Variants in SRP72 observed in about 807,000 individuals in gnomAD.
SRP72 encodes signal recognition particle 72.
In SRP72, 49 loss-of-function variants were observed where a neutral mutation model predicts 96.3. The observed-to-expected ratio is 0.51, with a 90% CI of 0.40 to 0.65. SRP72 has a LOEUF of 0.65. SRP72 is among the 30% of genes least tolerant of loss of function. SRP72 has a pLI of 0.00. For synonymous variants in SRP72, 267 were observed against 275.2 expected, an observed-to-expected ratio of 0.97 and a Z score of 0.30; for missense variants, 736 against 793.3, an observed-to-expected ratio of 0.93 and a Z score of 0.87.
In SRP72 at chr4:56,476,669, A is replaced by C. The variant is rs759047201; in HGVS notation, c.611-2A>C. 1.2e-6 allele frequency: 2 copies of C among 1,612,398 alleles called. No homozygotes were observed. Reference sequence around the variant, plus strand: ...ACTTTTAAAACAATTTTTCTCCTGTAGATCTTTGCCGCCGTTCATTATCAG... The same window carrying C: ...ACTTTTAAAACAATTTTTCTCCTGTCGATCTTTGCCGCCGTTCATTATCAG... On this transcript the variant is annotated splice_acceptor_variant, in intron 5 of 18. Transcript: ENST00000642900. LOFTEE classifies it high-confidence loss of function.
intron 9 of SRP72, among the ~76,000 whole-genome samples, chr4:56,483,723 C>G (rs1040669521): frequency 5.3e-5 from 8 of 151,124 alleles, no homozygotes; most frequent in Non-Finnish European, 1.2e-4. Context: ...ATTTATTAAA[C>G]AAGTAATTTG....
chr4:56,479,194 T>C (rs1207988131), intron 8 of SRP72, among the ~76,000 whole-genome samples: 1 of 152,144 alleles, frequency 6.6e-6, no homozygotes, highest in East Asian at 1.9e-4. Context: ...GTTTTGTTTT[T>C]TTTGAGACCG....
chr4:56,502,000 G>A lies in SRP72; in HGVS notation c.*139G>A, dbSNP rs28438730. The A allele has an allele frequency of 5.1e-3, 4,754 of 926,954 alleles. 155 individuals are homozygous for A. In the African/African-American group the frequency reaches 0.071, roughly 14 times the overall value. The allele number at this position is 926,954 out of a possible 1,614,324, so 57.4% of individuals were successfully genotyped here. Reference sequence around the variant, plus strand: ...CATAATTTCTTGTGTTTCAAATAGGGAAACATCTTCCTCAAAGTCTGCCTA... The same window carrying A: ...CATAATTTCTTGTGTTTCAAATAGGAAAACATCTTCCTCAAAGTCTGCCTA... On this transcript the variant is annotated 3_prime_UTR_variant, in exon 19 of 19. Transcript: ENST00000642900.
intron 6 of SRP72, 24 bp from the exon 7 acceptor site, chr4:56,478,355 G>T: frequency 6.5e-7 from 1 of 1,545,318 alleles, no homozygotes; most frequent in South Asian, 1.2e-5. Context: ...AAATTTATAT[G>T]GGAAAAACAT....
At chr4:56,501,601 A>G (rs572862215) in intron 18 of SRP72, 83 bp from the exon 19 acceptor site, 4 of 1,208,392 alleles carry the variant, frequency 3.3e-6, no homozygotes, top group East Asian at 5.0e-5. Flanking sequence ...GTTAAGTGTG[A>G]TAAGTAAAAC....
At chr4:56,478,754 G>T in intron 8 of SRP72, 105 bp downstream of exon 8, 3 of 1,171,480 alleles carry the variant, frequency 2.6e-6, no homozygotes, top group Non-Finnish European at 2.4e-6. Flanking sequence ...TTAACATGAT[G>T]AAAAAAGTCC....
intron 17 of SRP72, among the ~76,000 whole-genome samples, chr4:56,498,520 C>A (rs911481700): frequency 3.3e-5 from 5 of 152,156 alleles, no homozygotes; most frequent in Non-Finnish European, 5.9e-5. Context: ...ATTTAGAAAA[C>A]CCCATCGTCT....
At chr4:56,492,185 A>G (rs562410456) in intron 16 of SRP72, among the ~76,000 whole-genome samples, 34 of 152,166 alleles carry the variant, frequency 2.2e-4, no homozygotes, top group Non-Finnish European at 3.8e-4. Context: ...TTATTTAATG[A>G]GTTTTAGAGA....
At chr4:56,480,281 C>G (rs1244567727) in intron 8 of SRP72, among the ~76,000 whole-genome samples, 3 of 151,828 alleles carry the variant, frequency 2.0e-5, no homozygotes, top group African/African-American at 7.3e-5. Context: ...TTTTTTCCCC[C>G]AAGATGGAGT....
chr4:56,500,507 T>G, intron 17 of SRP72, 29 bp from the exon 18 acceptor site: 1 of 1,602,932 alleles, frequency 6.2e-7, no homozygotes, highest in Non-Finnish European at 8.5e-7. Flanking sequence ...TTATGACACA[T>G]CTCTCATTTC....
intron 1 of SRP72, among the ~76,000 whole-genome samples, chr4:56,469,282 G>T (rs1319365800): frequency 1.3e-5 from 2 of 152,170 alleles, no homozygotes. Flanking sequence ...AATTCTACCT[G>T]AACTTTTTCC....
At chr4:56,472,209 T>C (rs1445598647) in intron 3 of SRP72, among the ~76,000 whole-genome samples, 1 of 152,190 alleles carries the variant, frequency 6.6e-6, no homozygotes, top group African/African-American at 2.4e-5. Context: ...AGAATTTAGA[T>C]GATTCTAGCC....
chr4:56,477,724 G>A (rs1208121425), intron 6 of SRP72, among the ~76,000 whole-genome samples: 1 of 152,150 alleles, frequency 6.6e-6, no homozygotes, highest in Non-Finnish European at 1.5e-5. Context: ...GGAGTGTTGG[G>A]TCATTAAAGG....
At chr4:56,492,025 G>GC (rs1720925851) in intron 16 of SRP72, among the ~76,000 whole-genome samples, 1 of 152,136 alleles carries the variant, frequency 6.6e-6, no homozygotes. Context: ...ATTTAGTAGA[G>GC]ACAGGGTTTC....
At chr4:56,487,166 C>T (rs1478983853) in intron 11 of SRP72, among the ~76,000 whole-genome samples, 1 of 152,010 alleles carries the variant, frequency 6.6e-6, no homozygotes, top group African/African-American at 2.4e-5. Context: ...ATGGTGGTGA[C>T]AATTCTTCAC....
At chr4:56,476,501 C>T in intron 5 of SRP72, 170 bp from the exon 6 acceptor site, 1 of 639,974 alleles carries the variant, frequency 1.6e-6, no homozygotes, top group East Asian at 3.0e-5. Flanking sequence ...AGTCAAGAGA[C>T]TGATAATATA....
chr4:56,487,928 G>C (rs1720777005), intron 11 of SRP72, 21 bp from the exon 12 acceptor site: 1 of 1,560,020 alleles, frequency 6.4e-7, no homozygotes. Flanking sequence ...ATGTAATGCT[G>C]ATTTTGTTTA....
intron 1 of SRP72, 121 bp from the exon 2 acceptor site, chr4:56,469,532 A>G (rs1719879292): frequency 1.1e-6 from 1 of 919,240 alleles, no homozygotes; most frequent in Non-Finnish European, 1.6e-6. Flanking sequence ...TGTTCTGACC[A>G]ATTATTTCTG....
In SRP72 at chr4:56,491,501, G is replaced by T; in HGVS notation, c.1573G>T (p.Ala525Ser). Residue 525 changes from alanine to serine, a missense_variant, in exon 16 of 19, where the codon GCT becomes TCT. This residue lies in a region of SRP72 where 388 missense variants were observed against 431.8 expected (regional missense o/e 0.90). Coordinates refer to ENST00000642900, the MANE Select transcript of SRP72 (RefSeq NM_006947.4). The part of the protein sequence containing the change: ...KVDVEALENS[A>S]GATYIRKKGG... The stretch of plus-strand genomic sequence containing the variant: ...AGATGTTGAGGCTCTTGAAAATTCT[G>T]CTGGTGCTACATACATTCGGAAGAA... 6.2e-7 allele frequency: 1 copy of T among 1,613,968 alleles called. No individual in the cohort carries two copies. The highest frequency in any genetic ancestry group is 8.5e-7 in the Non-Finnish European group (1 of 1,179,908).
Sources: gnomAD v4.1 joint callset for allele counts (sites outside exome capture counted in the v4.1 genomes callset) on GRCh38, gnomAD v4.1.1 for gene constraint, gnomAD v4.1.1 regional missense constraint, MANE v1.5 for transcripts, NCBI Gene and HGNC (gene_info 2026-07-23, HGNC 2026-07-21) for gene names.